EYA2: variants seen among roughly 807,000 people sequenced by gnomAD.
EYA2 encodes EYA transcriptional coactivator and phosphatase 2.
EYA2 carries 31 observed loss-of-function variants against 69.2 expected under a neutral mutation model. That is an observed-to-expected ratio of 0.45 (90% CI 0.34 to 0.60). EYA2 has a LOEUF of 0.60. Among genes scored for constraint, EYA2 ranks in the 20% least tolerant of loss-of-function variants. The pLI, the probability that EYA2 is intolerant of heterozygous loss-of-function variation, is 0.02. For missense variants in EYA2, 622 were observed against 701.2 expected (o/e 0.89, Z 1.28); for synonymous variants, 257 against 279.4 (o/e 0.92, Z 0.80).
At chr20:47,037,261 A>G (rs903081934) in intron 5 of EYA2, among the ~76,000 whole-genome samples, 6 of 152,200 alleles carry the variant, frequency 3.9e-5, no homozygotes, top group African/African-American at 1.4e-4. Context: ...ATTGAGGATT[A>G]TAATTCAAGA....
intron 9 of EYA2, among the ~76,000 whole-genome samples, chr20:47,128,438 G>A (rs1242417895): frequency 1.3e-5 from 2 of 151,754 alleles, no homozygotes; most frequent in Non-Finnish European, 2.9e-5. Flanking sequence ...GCTGCCTGCC[G>A]TTTCTCCTCA....
At chr20:47,057,065 A>G (rs1412133019) in intron 5 of EYA2, among the ~76,000 whole-genome samples, 1 of 114,904 alleles carries the variant, frequency 8.7e-6, no homozygotes, top group South Asian at 3.2e-4. Flanking sequence ...AGGGAGAAAG[A>G]AGGGAGGGAG....
intron 14 of EYA2, among the ~76,000 whole-genome samples, chr20:47,182,631 A>AAAAAAAAAAAAAAC: frequency 6.9e-6 from 1 of 145,586 alleles, no homozygotes; most frequent in Non-Finnish European, 1.5e-5. Context: ...CTCCGTCTAA[A>AAAAAAAAAAAAAAC]AAAAAAAAAA....
At chr20:47,090,229 C>T (rs950440838) in intron 8 of EYA2, among the ~76,000 whole-genome samples, 11 of 122,068 alleles carry the variant, frequency 9.0e-5, no homozygotes, top group Non-Finnish European at 1.2e-4. Context: ...ATGCTCCAAT[C>T]TTTTTTTTTT....
intron 9 of EYA2, among the ~76,000 whole-genome samples, chr20:47,098,563 A>G (rs1399756194): frequency 1.3e-5 from 2 of 152,160 alleles, no homozygotes; most frequent in East Asian, 3.8e-4. Flanking sequence ...AACATTCCTC[A>G]AACCAAACTG....
At chr20:47,137,905 C>T (rs1389557030) in intron 9 of EYA2, among the ~76,000 whole-genome samples, 6 of 150,826 alleles carry the variant, frequency 4.0e-5, no homozygotes, top group South Asian at 2.1e-4. Context: ...AACTAAACAG[C>T]GCGTATTCTC....
chr20:47,169,960 C>T (rs541806093), intron 11 of EYA2, among the ~76,000 whole-genome samples: 10 of 152,132 alleles, frequency 6.6e-5, no homozygotes, highest in Non-Finnish European at 1.3e-4. Context: ...GGCTGGAGTG[C>T]AATGGTGTGA....
intron 9 of EYA2, among the ~76,000 whole-genome samples, chr20:47,122,488 T>TGG (rs2033079837): frequency 6.6e-6 from 1 of 151,728 alleles, no homozygotes; most frequent in Admixed American, 6.6e-5. Flanking sequence ...TTAGTAGAGA[T>TGG]GGGGTTTCAC....
chr20:47,136,069 C>A (rs2033466549), intron 9 of EYA2, among the ~76,000 whole-genome samples: 1 of 151,816 alleles, frequency 6.6e-6, no homozygotes, highest in Admixed American at 6.6e-5. Context: ...GAAAAAAAGT[C>A]TTTAATGGAT....
chr20:47,001,802 A>T (rs56352060), intron 3 of EYA2, among the ~76,000 whole-genome samples: 2,660 of 101,132 alleles, frequency 0.026, 66 homozygotes, highest in African/African-American at 0.093. Flanking sequence ...TTTTTTTTTT[A>T]TTCTTTTCTT....
intron 1 of EYA2, among the ~76,000 whole-genome samples, chr20:46,986,793 C>T (rs1052310366): frequency 6.6e-6 from 1 of 152,126 alleles, no homozygotes; most frequent in Non-Finnish European, 1.5e-5. Context: ...CAAGAACTCA[C>T]TCATACCATG....
chr20:47,042,280 G>A (rs932992059), intron 5 of EYA2, among the ~76,000 whole-genome samples: 4 of 152,204 alleles, frequency 2.6e-5, no homozygotes, highest in African/African-American at 9.6e-5. Context: ...GGTAAAGCCA[G>A]GAGTTGGACC....
intron 5 of EYA2, among the ~76,000 whole-genome samples, chr20:47,041,117 G>T (rs922691582): frequency 6.6e-6 from 1 of 152,090 alleles, no homozygotes. Context: ...TGCTCCTCCT[G>T]CCAGCCCGCT....
intron 2 of EYA2, among the ~76,000 whole-genome samples, chr20:46,992,263 G>A (rs1339976257): frequency 1.3e-5 from 2 of 152,126 alleles, no homozygotes; most frequent in African/African-American, 2.4e-5. Context: ...TAAAAAGTGG[G>A]TACTGTTATT....
intron 9 of EYA2, among the ~76,000 whole-genome samples, chr20:47,107,329 A>G (rs958155996): frequency 1.3e-5 from 2 of 151,808 alleles, no homozygotes; most frequent in Non-Finnish European, 2.9e-5. Context: ...GTTCGAGACC[A>G]GCCTGCCCGT....
At chr20:47,156,051 CATAT>C (rs1334675635) in intron 10 of EYA2, among the ~76,000 whole-genome samples, 4 of 86,402 alleles carry the variant, frequency 4.6e-5, no homozygotes, top group Admixed American at 1.2e-4. Flanking sequence ...CACACACACA[CATAT>C]ATATACATAC....
Position 47,183,647 on chromosome 20 carries a change from C to T in EYA2, c.1536+256C>T, listed in dbSNP as rs985969068. ...TGTTTCTGGGACAACTGTTCGGGAG[C>T]CTAGAGACGCTCCGGCAGGGCAGGC... On this transcript the variant is annotated intron_variant, in intron 15 of 15. Coordinates refer to ENST00000327619, the MANE Select transcript of EYA2 (RefSeq NM_005244.5). Among the ~76,000 whole-genome samples, 17 of 152,348 alleles carry T rather than the reference C, an allele frequency of 1.1e-4. 1 individual carries two copies. Among genetic ancestry groups the T allele is most frequent in the Admixed American group, 1.0e-3 (16 of 15,304 alleles).
At chr20:47,118,597 G>A (rs1354538186) in intron 9 of EYA2, among the ~76,000 whole-genome samples, 1 of 152,212 alleles carries the variant, frequency 6.6e-6, no homozygotes, top group African/African-American at 2.4e-5. Flanking sequence ...AAGTACCCCC[G>A]CTTATGTATT....
intron 1 of EYA2, among the ~76,000 whole-genome samples, chr20:46,942,322 C>A (rs1005740600): frequency 6.6e-6 from 1 of 152,120 alleles, no homozygotes; most frequent in Non-Finnish European, 1.5e-5. Flanking sequence ...ATCTTCCCAC[C>A]TCAGCCTCCT....
Sources: gnomAD v4.1 joint callset for allele counts (sites outside exome capture counted in the v4.1 genomes callset) on GRCh38, gnomAD v4.1.1 for gene constraint, MANE v1.5 for transcripts, NCBI Gene and HGNC (gene_info 2026-07-23, HGNC 2026-07-21) for gene names.